ADAMTSL1: variants seen among roughly 807,000 people sequenced by gnomAD.
The protein encoded by ADAMTSL1 is ADAMTS-like protein 1.
ADAMTSL1 carries 126 observed loss-of-function variants against 201.8 expected under a neutral mutation model. The ratio of observed to expected loss-of-function variants is 0.62; its 90% CI spans 0.54 to 0.72. The LOEUF is 0.72. Among genes scored for constraint, ADAMTSL1 ranks in the 30% least tolerant of loss-of-function variants. ADAMTSL1 has a pLI of 0.00. For synonymous variants in ADAMTSL1, 1,121 were observed against 903.4 expected, an observed-to-expected ratio of 1.24 and a Z score of -4.32; for missense variants, 2,679 against 2,277.8, an observed-to-expected ratio of 1.18 and a Z score of -3.59.
chr9:18,640,109 A>G (rs1262864919), intron 7 of ADAMTSL1, among the ~76,000 whole-genome samples: 1 of 152,182 alleles, frequency 6.6e-6, no homozygotes, highest in Non-Finnish European at 1.5e-5. Context: ...AGGACATTTG[A>G]TTTAAGCTAA....
At chr9:18,864,953 C>A (rs1162831502) in intron 23 of ADAMTSL1, among the ~76,000 whole-genome samples, 1 of 151,582 alleles carries the variant, frequency 6.6e-6, no homozygotes, top group Non-Finnish European at 1.5e-5. Flanking sequence ...AGAGAGATGT[C>A]TTTTCTGGTG....
chr9:18,316,488 T>C (rs1459880108), intron 2 of ADAMTSL1, among the ~76,000 whole-genome samples: 1 of 152,074 alleles, frequency 6.6e-6, no homozygotes, highest in East Asian at 1.9e-4. Context: ...TGTTCCTTGC[T>C]GAGAAAAAAG....
chr9:18,793,642 T>A (rs996851169), intron 19 of ADAMTSL1, among the ~76,000 whole-genome samples: 4 of 151,912 alleles, frequency 2.6e-5, no homozygotes, highest in Non-Finnish European at 4.4e-5. Context: ...ACTAGGGAGG[T>A]TAAAAAATCA....
At chr9:18,399,753 A>G (rs1817912666) in intron 2 of ADAMTSL1, among the ~76,000 whole-genome samples, 1 of 152,236 alleles carries the variant, frequency 6.6e-6, no homozygotes, top group Non-Finnish European at 1.5e-5. Flanking sequence ...CATAAAAAAG[A>G]AAATTTGAAG....
chr9:18,239,001 T>C (rs1830954690), intron 2 of ADAMTSL1, among the ~76,000 whole-genome samples: 1 of 152,240 alleles, frequency 6.6e-6, no homozygotes, highest in South Asian at 2.1e-4. Context: ...ATGTTTACAC[T>C]ATACTGTAAT....
intron 1 of ADAMTSL1, among the ~76,000 whole-genome samples, chr9:18,156,890 G>A: frequency 6.6e-6 from 1 of 152,042 alleles, no homozygotes; most frequent in East Asian, 1.9e-4. Context: ...AAAGGAATGG[G>A]GTATAATATG....
intron 2 of ADAMTSL1, among the ~76,000 whole-genome samples, chr9:18,168,297 C>A (rs1282117096): frequency 6.6e-6 from 1 of 152,136 alleles, no homozygotes; most frequent in East Asian, 1.9e-4. Context: ...CACAAGGGTC[C>A]CTGGTGTGTG....
At chr9:18,383,795 G>A (rs879784349) in intron 2 of ADAMTSL1, among the ~76,000 whole-genome samples, 2 of 152,166 alleles carry the variant, frequency 1.3e-5, no homozygotes, top group Admixed American at 1.3e-4. Context: ...CCAAGCTCAG[G>A]TATGGAGGAA....
At chr9:17,995,938 T>G (rs1163513909) in intron 1 of ADAMTSL1, among the ~76,000 whole-genome samples, 1 of 152,016 alleles carries the variant, frequency 6.6e-6, no homozygotes, top group Non-Finnish European at 1.5e-5. Context: ...ACAGTCCGTA[T>G]AGCTAGGCCA....
chr9:17,946,231 T>C (rs1476044272), intron 1 of ADAMTSL1, among the ~76,000 whole-genome samples: 29 of 151,882 alleles, frequency 1.9e-4, no homozygotes, highest in Admixed American at 1.9e-3. Context: ...ACTCCCGGGC[T>C]CAAGTGTTCC....
intron 1 of ADAMTSL1, among the ~76,000 whole-genome samples, chr9:18,486,246 C>T (rs372679347): frequency 1.3e-5 from 2 of 152,302 alleles, no homozygotes; most frequent in East Asian, 1.9e-4. Flanking sequence ...TGAAGGTATT[C>T]GGGAACAACC....
At chr9:18,297,714 T>C (rs1040992976) in intron 2 of ADAMTSL1, among the ~76,000 whole-genome samples, 10 of 152,192 alleles carry the variant, frequency 6.6e-5, no homozygotes, top group African/African-American at 2.2e-4. Context: ...TAGTGTCCCT[T>C]GGGCTCAATT....
rs75105279 is a variant in ADAMTSL1 at position 18,061,020 on chromosome 9, C to A, written c.88-102842C>A. Among the ~76,000 whole-genome samples the A allele has an allele frequency of 8.6e-3, 1,306 of 152,180 alleles. 16 individuals are homozygous for A. Among genetic ancestry groups the A allele is most frequent in the African/African-American group, 0.03 (1,258 of 41,520 alleles). On this transcript the variant is annotated intron_variant, in intron 1 of 29. Coordinates refer to the ADAMTSL1 transcript ENST00000680146. ...ACCTGTTACTCATGGCAGTTTTCTG[C>A]GACTCAGAGTTTTTTGCAATGAGGG...
In ADAMTSL1 at chr9:18,777,386, A is replaced by G. The variant is rs1188361118; in HGVS notation, c.3157A>G (p.Thr1053Ala). 6.2e-7 allele frequency: 1 copy of G among 1,602,744 alleles called. No individual in the cohort carries two copies. The highest frequency in any genetic ancestry group is 1.3e-5 in the African/African-American group (1 of 74,692). The stretch of plus-strand genomic sequence containing the variant: ...GCAGGACTCTGCGGAAAGGAACACG[A>G]CCTCGGAGGAGGACCCGGGTGCAGA... ...EAQDSAERNTTSEEDPGAEQV... is the reference protein window; with the variant it reads ...EAQDSAERNTASEEDPGAEQV... The change falls in exon 19 of 29, where the codon ACC becomes GCC. Residue 1053 changes from threonine (T) to alanine (A), a missense_variant. Coordinates refer to ENST00000380548, the MANE Select transcript of ADAMTSL1 (RefSeq NM_001040272.6).
chr9:18,445,530 T>C (rs1210466142), intron 2 of ADAMTSL1, among the ~76,000 whole-genome samples: 1 of 152,176 alleles, frequency 6.6e-6, no homozygotes, highest in Non-Finnish European at 1.5e-5. Flanking sequence ...TATATTATTC[T>C]GTGGTTTCAA....
At chr9:18,883,044 C>A (rs10116387) in intron 23 of ADAMTSL1, among the ~76,000 whole-genome samples, 74,218 of 150,556 alleles carry the variant, frequency 0.49, 18,909 homozygotes, top group African/African-American at 0.61. Flanking sequence ...TGGGTCAGCA[C>A]ACAAGTAGCA....
chr9:17,973,850 G>A (rs1344872072), intron 1 of ADAMTSL1, among the ~76,000 whole-genome samples: 3 of 150,434 alleles, frequency 2.0e-5, no homozygotes, highest in Admixed American at 1.3e-4. Flanking sequence ...TTGAGCAGTG[G>A]TTTGTAGTTC....
intron 1 of ADAMTSL1, among the ~76,000 whole-genome samples, chr9:18,099,365 T>A (rs866841084): frequency 0.044 from 3,557 of 81,644 alleles, 365 homozygotes; most frequent in African/African-American, 0.16. Context: ...ATTTTTTTTT[T>A]TTTTTTTAAC....
chr9:18,072,212 T>C (rs1823001202), intron 1 of ADAMTSL1, among the ~76,000 whole-genome samples: 1 of 152,214 alleles, frequency 6.6e-6, no homozygotes. Context: ...TCTGTGAATA[T>C]TTTTCATTAC....
Sources: allele counts gnomAD v4.1 joint callset (sites outside exome capture counted in the v4.1 genomes callset), GRCh38; gene constraint gnomAD v4.1.1; transcripts MANE v1.5; gene names NCBI Gene and HGNC (gene_info 2026-07-23, HGNC 2026-07-21).